The following PDS5A variants were observed in gnomAD, a reference collection of about 807,000 sequenced individuals.
PDS5A encodes PDS5 cohesin associated factor A.
PDS5A carries 42 observed loss-of-function variants against 167.1 expected under a neutral mutation model. The ratio of observed to expected loss-of-function variants is 0.25; its 90% CI spans 0.20 to 0.33. The LOEUF is 0.33. Among genes scored for constraint, PDS5A ranks in the 10% least tolerant of loss-of-function variants. The probability of loss-of-function intolerance (pLI) is 1.00; values close to 1 mark genes in which losing one functional copy is unlikely to be tolerated. For missense variants in PDS5A, 1,033 were observed against 1,605.9 expected (o/e 0.64, Z 6.10); for synonymous variants, 553 against 554.6 (o/e 1.00, Z 0.04).
chr4:39,898,689 T>C (rs796683269), intron 15 of PDS5A, 88 bp downstream of exon 15: 2 of 970,982 alleles, frequency 2.1e-6, no homozygotes, highest in African/African-American at 3.3e-5. Flanking sequence ...TTTCTTTTAC[T>C]TAACATTAAA....
intron 16 of PDS5A, among the ~76,000 whole-genome samples, chr4:39,897,018 TATA>T (rs950778236): frequency 1.3e-5 from 2 of 152,120 alleles, no homozygotes; most frequent in East Asian, 1.9e-4. Flanking sequence ...TGAGTTCTGT[TATA>T]ATATTATGGG....
At chr4:39,930,251 T>TTG (rs1553903857) in intron 2 of PDS5A, among the ~76,000 whole-genome samples, 1 of 115,640 alleles carries the variant, frequency 8.6e-6, no homozygotes, top group Non-Finnish European at 2.0e-5. Context: ...AAAAAAGTTT[T>TTG]TTTGTTTTTT....
chr4:39,955,698 T>C (rs933604183), intron 2 of PDS5A, among the ~76,000 whole-genome samples: 31 of 152,098 alleles, frequency 2.0e-4, no homozygotes, highest in African/African-American at 7.2e-4. Context: ...AGGGGAAGTC[T>C]TCCTGGGGGA....
chr4:39,877,129 A>C lies in PDS5A; in HGVS notation c.2017T>G (p.Ser673Ala), dbSNP rs781338901. The C allele has an allele frequency of 1.3e-6, 2 of 1,597,420 alleles. No individual in the cohort carries two copies. The highest frequency in any genetic ancestry group is 1.7e-6 in the Non-Finnish European group (2 of 1,170,900). ...LKVLSFTHPTSFHSAETYESL... is the reference protein window; with the variant it reads ...LKVLSFTHPTAFHSAETYESL... Reference sequence around the variant, plus strand: ...TCATATGTCTCTGCAGAGTGGAACGAGGTAGGATGTGTAAAAGACAGAACC... The same window carrying C: ...TCATATGTCTCTGCAGAGTGGAACGCGGTAGGATGTGTAAAAGACAGAACC... Residue 673 changes from serine to alanine, a missense_variant, in exon 19 of 33, where the codon TCG becomes GCG. Physicochemically the swap from Ser to Ala is moderately conservative, Grantham distance 99 (BLOSUM62 1). Around this residue, in one of 4 missense-constraint regions of PDS5A, gnomAD observed 367 missense variants for 686.7 expected, o/e 0.53. Coordinates refer to ENST00000303538, the MANE Select transcript of PDS5A (RefSeq NM_001100399.2).
chr4:39,931,586 G>C (rs1031094450), intron 2 of PDS5A, among the ~76,000 whole-genome samples: 5 of 152,100 alleles, frequency 3.3e-5, no homozygotes, highest in African/African-American at 4.8e-5. Flanking sequence ...CACACTACAT[G>C]GGCCTTTCTA....
intron 17 of PDS5A, among the ~76,000 whole-genome samples, chr4:39,880,095 A>C (rs934074281): frequency 6.6e-6 from 1 of 152,196 alleles, no homozygotes; most frequent in African/African-American, 2.4e-5. Flanking sequence ...TAATATATTC[A>C]CATAAGTAAT....
At chr4:39,835,579 G>A (rs905511787) in intron 32 of PDS5A, among the ~76,000 whole-genome samples, 18 of 152,110 alleles carry the variant, frequency 1.2e-4, no homozygotes, top group African/African-American at 4.3e-4. Flanking sequence ...CTGGAGTGTA[G>A]TGGCCGGATC....
chr4:39,960,136 G>A lies in PDS5A; in HGVS notation c.138+16304C>T, dbSNP rs12643243. On this transcript the variant is annotated intron_variant, in intron 2 of 32. Coordinates refer to ENST00000303538, the MANE Select transcript of PDS5A (RefSeq NM_001100399.2). ...ACCACAAAAAGTAGCTGGGCGTGGT[G>A]GCACGCACCTGTAATCCCAACTACT... Among the ~76,000 whole-genome samples the A allele has an allele frequency of 3.9e-3, 599 of 152,012 alleles. 39 individuals carry two copies. The East Asian group carries it at 0.1, about 26-fold the overall frequency.
chr4:39,943,378 T>C (rs1727417835), intron 2 of PDS5A, among the ~76,000 whole-genome samples: 1 of 152,136 alleles, frequency 6.6e-6, no homozygotes, highest in South Asian at 2.1e-4. Flanking sequence ...AAGGTTAGCA[T>C]TACTTAATAA....
At chr4:39,873,761 A>C (rs574248569) in intron 20 of PDS5A, among the ~76,000 whole-genome samples, 1 of 152,292 alleles carries the variant, frequency 6.6e-6, no homozygotes, top group Admixed American at 6.5e-5. Context: ...TAAACACATA[A>C]GGCTAGGTGT....
At chr4:39,869,540 G>C in intron 21 of PDS5A, 78 bp from the exon 22 acceptor site, 1 of 839,206 alleles carries the variant, frequency 1.2e-6, no homozygotes, top group South Asian at 1.4e-5. Flanking sequence ...TTTTCATGTT[G>C]ATCAACACAG....
intron 2 of PDS5A, among the ~76,000 whole-genome samples, chr4:39,936,298 T>G (rs1726594355): frequency 6.6e-6 from 1 of 152,104 alleles, no homozygotes; most frequent in African/African-American, 2.4e-5. Context: ...CTGCCTCCAC[T>G]TCCGATGCCA....
chr4:39,888,241 CAAAAAAAA>C lies in PDS5A; in HGVS notation c.1886+2000_1886+2007del, dbSNP rs34845975. On this transcript the variant is annotated intron_variant, in intron 17 of 32. Transcript: ENST00000303538. ...AGCTGGTGACAGAGCAAGACTCCGG[CAAAAAAAA>C]AAAAAAAAAAAAAAAAGGGCTTTTT... Among the ~76,000 whole-genome samples the C allele has an allele frequency of 5.6e-3, 316 of 56,258 alleles. 4 individuals carry two copies. The Middle Eastern group carries it at 0.11, about 20-fold the overall frequency. 36.9% of individuals were successfully genotyped at this position (56,258 alleles called of 152,430 possible). A position where few individuals can be genotyped will look rare whatever the true frequency, so the allele number is the denominator to read the frequency against.
intron 23 of PDS5A, among the ~76,000 whole-genome samples, chr4:39,864,144 C>T (rs1560437072): frequency 6.7e-6 from 1 of 150,218 alleles, no homozygotes; most frequent in African/African-American, 2.4e-5. Context: ...AAACAAAAAA[C>T]AAAAAACAAA....
intron 4 of PDS5A, 119 bp downstream of exon 4, chr4:39,926,656 G>T (rs1258247741): frequency 3.0e-6 from 2 of 663,194 alleles, no homozygotes; most frequent in African/African-American, 1.9e-5. Context: ...AAATGTAAAA[G>T]ACATTTTATT....
chr4:39,939,567 G>A (rs991242318), intron 2 of PDS5A, among the ~76,000 whole-genome samples: 1 of 152,180 alleles, frequency 6.6e-6, no homozygotes, highest in Non-Finnish European at 1.5e-5. Context: ...GCCAAGGTGG[G>A]TAGATCACTT....
intron 13 of PDS5A, among the ~76,000 whole-genome samples, chr4:39,902,024 T>C (rs1722927225): frequency 6.6e-6 from 1 of 152,128 alleles, no homozygotes; most frequent in Non-Finnish European, 1.5e-5. Flanking sequence ...CAACAAAGAA[T>C]CAGTATTCAG....
chr4:39,931,428 C>T (rs993549982), intron 2 of PDS5A, among the ~76,000 whole-genome samples: 4 of 152,120 alleles, frequency 2.6e-5, no homozygotes, highest in African/African-American at 9.7e-5. Flanking sequence ...TTAGCTAAGT[C>T]GTGTGGGCCT....
chr4:39,972,777 G>T (rs568434160), intron 2 of PDS5A, among the ~76,000 whole-genome samples: 1 of 151,580 alleles, frequency 6.6e-6, no homozygotes, highest in South Asian at 2.1e-4. Flanking sequence ...ACTTAAAACA[G>T]AACTGATATT....
Sources: gnomAD v4.1 joint callset for allele counts (sites outside exome capture counted in the v4.1 genomes callset) on GRCh38, gnomAD v4.1.1 for gene constraint, gnomAD v4.1.1 regional missense constraint, MANE v1.5 for transcripts, NCBI Gene and HGNC (gene_info 2026-07-23, HGNC 2026-07-21) for gene names.